The following CFDP1 variants were observed in gnomAD, a reference collection of about 807,000 sequenced individuals.
CFDP1 encodes the protein chromatin remodeling protein CFDP1.
Under a neutral mutation model 40.1 loss-of-function variants are expected in CFDP1, and 31 were observed. The ratio of observed to expected loss-of-function variants is 0.77; its 90% CI spans 0.58 to 1.04. CFDP1 has a LOEUF of 1.04. Ranked by LOEUF, CFDP1 falls within the 50% of genes least tolerant of loss-of-function variation. The pLI is 0.00. For synonymous variants in CFDP1, 167 were observed against 120.0 expected, an observed-to-expected ratio of 1.39 and a Z score of -2.56; for missense variants, 423 against 343.4, an observed-to-expected ratio of 1.23 and a Z score of -1.83.
chr16:75,356,042 T>C (rs1270591252), intron 5 of CFDP1, among the ~76,000 whole-genome samples: 1 of 152,198 alleles, frequency 6.6e-6, no homozygotes, highest in Non-Finnish European at 1.5e-5. Flanking sequence ...TGGAATAAAC[T>C]TCTTCTAAAC....
chr16:75,335,713 T>C (rs145452390), intron 5 of CFDP1, among the ~76,000 whole-genome samples: 3,340 of 152,070 alleles, frequency 0.022, 69 homozygotes, highest in African/African-American at 0.054. Context: ...CCCGCCACCA[T>C]GCCCGGATAA....
chr16:75,403,419 A>G (rs2079071928), intron 4 of CFDP1, among the ~76,000 whole-genome samples: 2 of 152,128 alleles, frequency 1.3e-5, no homozygotes, highest in South Asian at 4.1e-4. Context: ...GAGTTTCTCC[A>G]TGTTGCCCAG....
At chr16:75,361,042 C>A (rs1468378718) in intron 5 of CFDP1, among the ~76,000 whole-genome samples, 1 of 152,088 alleles carries the variant, frequency 6.6e-6, no homozygotes, top group Non-Finnish European at 1.5e-5. Context: ...CAGGGTCTTA[C>A]TCTATGGCCC....
chr16:75,432,613 G>C (rs2079435264), intron 1 of CFDP1, among the ~76,000 whole-genome samples: 1 of 152,138 alleles, frequency 6.6e-6, no homozygotes, highest in South Asian at 2.1e-4. Context: ...GTTGTGTTTT[G>C]TTAGTCTGTT....
At chr16:75,347,475 C>T (rs770693987) in intron 5 of CFDP1, among the ~76,000 whole-genome samples, 2 of 151,584 alleles carry the variant, frequency 1.3e-5, no homozygotes, top group Non-Finnish European at 2.9e-5. Flanking sequence ...GTCAAGACAT[C>T]GAGACCATCC....
At chr16:75,323,302 C>CTT (rs1356968936) in intron 5 of CFDP1, among the ~76,000 whole-genome samples, 1 of 151,808 alleles carries the variant, frequency 6.6e-6, no homozygotes, top group Non-Finnish European at 1.5e-5. Flanking sequence ...ATATCACTGT[C>CTT]TTTGACTTCC....
At chr16:75,317,543 G>A (rs1410435305) in intron 5 of CFDP1, among the ~76,000 whole-genome samples, 1 of 152,202 alleles carries the variant, frequency 6.6e-6, no homozygotes, top group Non-Finnish European at 1.5e-5. Context: ...GGTGCGAACT[G>A]CTGTTGCTTT....
chr16:75,377,244 C>T (rs1271219035), intron 5 of CFDP1, among the ~76,000 whole-genome samples: 11 of 152,196 alleles, frequency 7.2e-5, no homozygotes, highest in African/African-American at 1.4e-4. Context: ...AAGTCAAATG[C>T]TATGGGAACC....
At chr16:75,425,137 A>G (rs1172293665) in intron 1 of CFDP1, among the ~76,000 whole-genome samples, 1 of 152,202 alleles carries the variant, frequency 6.6e-6, no homozygotes, top group Non-Finnish European at 1.5e-5. Context: ...TTAAATTGTC[A>G]ATTCTTCCCA....
At chr16:75,375,556 C>A (rs1474382668) in intron 5 of CFDP1, among the ~76,000 whole-genome samples, 1 of 152,054 alleles carries the variant, frequency 6.6e-6, no homozygotes, top group African/African-American at 2.4e-5. Context: ...CTTTGGGAGG[C>A]CGAGGCGGGT....
chr16:75,423,614 A>G (rs978219619), intron 1 of CFDP1, among the ~76,000 whole-genome samples: 3 of 151,950 alleles, frequency 2.0e-5, no homozygotes, highest in Non-Finnish European at 4.4e-5. Flanking sequence ...TCTTGGGTTC[A>G]CGCCATTCTC....
At chr16:75,318,639 T>C (rs971893804) in intron 5 of CFDP1, among the ~76,000 whole-genome samples, 39 of 152,096 alleles carry the variant, frequency 2.6e-4, no homozygotes, top group East Asian at 1.2e-3. Flanking sequence ...CTCCTGACCT[T>C]GTGATCCGCC....
intron 5 of CFDP1, among the ~76,000 whole-genome samples, chr16:75,375,375 C>A (rs2078784156): frequency 6.6e-6 from 1 of 151,950 alleles, no homozygotes; most frequent in South Asian, 2.1e-4. Context: ...ATAAAACAAC[C>A]CAATAAAAAT....
At chr16:75,408,669 G>A (rs1324022378) in intron 4 of CFDP1, among the ~76,000 whole-genome samples, 3 of 151,518 alleles carry the variant, frequency 2.0e-5, no homozygotes, top group African/African-American at 7.3e-5. Flanking sequence ...CCAGCCACTC[G>A]GGAGCCTGAG....
intron 5 of CFDP1, among the ~76,000 whole-genome samples, chr16:75,392,534 G>A (rs993779297): frequency 1.1e-4 from 16 of 152,168 alleles, no homozygotes; most frequent in Non-Finnish European, 1.6e-4. Flanking sequence ...GTCTCCCTCT[G>A]TCGCCCAGGC....
intron 1 of CFDP1, among the ~76,000 whole-genome samples, chr16:75,425,189 G>A (rs992615094): frequency 6.6e-6 from 1 of 151,980 alleles, no homozygotes; most frequent in Non-Finnish European, 1.5e-5. Context: ...CAAAATCAAA[G>A]TAGGATACTT....
At chr16:75,309,975 A>G (rs957763169) in intron 5 of CFDP1, among the ~76,000 whole-genome samples, 1 of 152,162 alleles carries the variant, frequency 6.6e-6, no homozygotes, top group African/African-American at 2.4e-5. Flanking sequence ...TTGAGTCAAG[A>G]GACTCCTCAC....
chr16:75,400,105 A>G (rs2079037492), intron 4 of CFDP1, among the ~76,000 whole-genome samples: 1 of 150,152 alleles, frequency 6.7e-6, no homozygotes, highest in Non-Finnish European at 1.5e-5. Context: ...CCATCTCAAA[A>G]AAAAAAAAAA....
intron 5 of CFDP1, among the ~76,000 whole-genome samples, chr16:75,384,884 ATATATATATATATATT>A (rs1159768605): frequency 1.8e-3 from 58 of 31,690 alleles, no homozygotes; most frequent in African/African-American, 3.7e-3. Context: ...ATATATATAT[ATATATATATATATATT>A]GCAGACCAGT....
Sources: gnomAD v4.1 joint callset for allele counts (sites outside exome capture counted in the v4.1 genomes callset) on GRCh38, gnomAD v4.1.1 for gene constraint, MANE v1.5 for transcripts, NCBI Gene and HGNC (gene_info 2026-07-23, HGNC 2026-07-21) for gene names.